Variants in NME8 observed in about 807,000 individuals in gnomAD.
The protein encoded by NME8 is NME/NM23 family member 8.
In NME8, 72 loss-of-function variants were observed where a neutral mutation model predicts 82.3. That is an observed-to-expected ratio of 0.87 (90% CI 0.72 to 1.06). The LOEUF (loss-of-function observed/expected upper bound fraction) is 1.06. Ranked by LOEUF, NME8 falls within the 50% of genes least tolerant of loss-of-function variation. NME8 has a pLI of 0.00. For missense variants in NME8, 712 were observed against 685.4 expected (o/e 1.04, Z -0.43); for synonymous variants, 267 against 228.5 (o/e 1.17, Z -1.52).
intron 15 of NME8, among the ~76,000 whole-genome samples, chr7:37,893,172 C>T (rs1414021614): frequency 6.6e-6 from 1 of 152,076 alleles, no homozygotes; most frequent in Non-Finnish European, 1.5e-5. Context: ...ACCTGAGCCA[C>T]TTGCTGTCTT....
chr7:37,881,837 A>T (rs539285762), intron 12 of NME8, among the ~76,000 whole-genome samples: 87 of 152,284 alleles, frequency 5.7e-4, no homozygotes, highest in African/African-American at 1.8e-3. Context: ...TATCTAATAG[A>T]TATAGGGCTA....
intron 15 of NME8, among the ~76,000 whole-genome samples, chr7:37,889,756 A>T (rs1204772636): frequency 6.6e-6 from 1 of 152,040 alleles, no homozygotes; most frequent in East Asian, 1.9e-4. Flanking sequence ...AAGATTCTAC[A>T]TGTATGAGGA....
At chr7:37,891,638 C>G (rs550974760) in intron 15 of NME8, among the ~76,000 whole-genome samples, 6 of 151,836 alleles carry the variant, frequency 4.0e-5, no homozygotes, top group African/African-American at 1.4e-4. Flanking sequence ...TCAGAGTTGT[C>G]CAAGGGAAAG....
In NME8 at chr7:37,857,314, A is replaced by C; in HGVS notation, c.239A>C (p.Asp80Ala). The change falls in exon 6 of 18, where the codon GAT (aspartate) becomes GCT (alanine). Residue 80 changes from aspartate (D) to alanine (A), a missense_variant. By Grantham distance (126) the Asp-to-Ala change is moderately radical (BLOSUM62 -2). Coordinates refer to ENST00000199447, the MANE Select transcript of NME8 (RefSeq NM_016616.5). ...DNIVTLQPFR[D>A]KCEPVFLFSV... ...ATTGTGACTTTGCAGCCATTTAGAG[A>C]TAAATGTGAACCTGTTTTTCTCTTT... 2 of 1,611,572 alleles carry C rather than the reference A, an allele frequency of 1.2e-6. No homozygotes were observed. Among genetic ancestry groups the C allele is most frequent in the Non-Finnish European group, 1.7e-6 (2 of 1,178,284 alleles).
In NME8 at chr7:37,855,701, G is replaced by T. The variant is rs181537078; in HGVS notation, c.199-1573G>T. Among the ~76,000 whole-genome samples, 13 of 152,144 alleles carry T rather than the reference G, an allele frequency of 8.5e-5. No individual in the cohort carries two copies. In the East Asian group the frequency reaches 2.3e-3, roughly 27 times the overall value. ...TTCAAAAATTATCAAACCATCCTTT[G>T]CAGGCATTAAATTCTCCAGCTTTAG... On this transcript the variant is annotated intron_variant, in intron 5 of 17. Transcript: ENST00000199447.
intron 15 of NME8, among the ~76,000 whole-genome samples, chr7:37,893,605 T>C (rs1211459320): frequency 6.6e-6 from 1 of 152,168 alleles, no homozygotes; most frequent in African/African-American, 2.4e-5. Context: ...TTTACCATGC[T>C]TAACACAAAG....
chr7:37,877,643 A>G (rs13230355), intron 12 of NME8, among the ~76,000 whole-genome samples: 1 of 152,124 alleles, frequency 6.6e-6, no homozygotes, highest in East Asian at 1.9e-4. Context: ...TGGCATTTCT[A>G]TGTAGACCAG....
chr7:37,876,158 A>C (rs1338782874), intron 11 of NME8, among the ~76,000 whole-genome samples: 1 of 151,938 alleles, frequency 6.6e-6, no homozygotes. Flanking sequence ...CAGTGAGCCA[A>C]GATTGCACCA....
rs1784707235 is a variant in NME8, at chr7:37,867,683, TTATCATTTTATTTTGTAG to T, written c.622-17_622del. 10 of 1,597,550 alleles carry T rather than the reference TTATCATTTTATTTTGTAG, an allele frequency of 6.3e-6. No individual in the cohort carries two copies. The highest frequency in any genetic ancestry group is 8.6e-6 in the Non-Finnish European group (10 of 1,165,364). Reference sequence around the variant, plus strand: ...ATTTCAGGAGCCTGAAGGAAACAGTTTATCATTTTATTTTGTAGTGTGACTTCGAAGAGTTTGTCTCTT... The same window carrying T: ...ATTTCAGGAGCCTGAAGGAAACAGTTTGTGACTTCGAAGAGTTTGTCTCTT... On this transcript the variant is annotated splice_acceptor_variant and splice_polypyrimidine_tract_variant and intron_variant, in intron 10 of 17. Transcript: ENST00000199447. LOFTEE classifies it high-confidence loss of function.
chr7:37,858,407 T>C (rs1007891243), intron 6 of NME8, among the ~76,000 whole-genome samples: 1 of 150,732 alleles, frequency 6.6e-6, no homozygotes, highest in African/African-American at 2.5e-5. Context: ...AGATCTCCTC[T>C]AAGTTGGATG....
intron 6 of NME8, among the ~76,000 whole-genome samples, chr7:37,859,871 C>A (rs534321298): frequency 6.6e-6 from 1 of 152,266 alleles, no homozygotes; most frequent in Admixed American, 6.5e-5. Context: ...TCTCAGACTG[C>A]CCATTGCTCC....
chr7:37,896,142 C>T (rs987454894), intron 16 of NME8, among the ~76,000 whole-genome samples: 9 of 152,118 alleles, frequency 5.9e-5, no homozygotes, highest in African/African-American at 2.2e-4. Context: ...TTTAGGAAGG[C>T]AGAATTTATA....
At chr7:37,868,708 C>T (rs1317717608) in intron 11 of NME8, among the ~76,000 whole-genome samples, 2 of 152,164 alleles carry the variant, frequency 1.3e-5, no homozygotes, top group African/African-American at 4.8e-5. Context: ...TCCCTGCCAA[C>T]TCAGTCTCCT....
rs752110300 is a variant in NME8 at position 37,884,289 on chromosome 7, CTG to C, written c.995-12_995-11del. The stretch of plus-strand genomic sequence containing the variant: ...TACCAGTTTAAAACTTATTATGTAA[CTG>C]TTTTTATTTAGATGATGTTTTGCGT... On this transcript the variant is annotated splice_polypyrimidine_tract_variant and intron_variant, in intron 12 of 17. Coordinates refer to ENST00000199447, the MANE Select transcript of NME8 (RefSeq NM_016616.5). The C allele has an allele frequency of 1.6e-5, 25 of 1,522,388 alleles. No individual in the cohort carries two copies. Among genetic ancestry groups the C allele is most frequent in the Non-Finnish European group, 2.1e-5 (23 of 1,097,322 alleles). The allele number at this position is 1,522,388 out of a possible 1,614,324, so 94.3% of individuals were successfully genotyped here.
chr7:37,853,481 A>T (rs1366704473), intron 5 of NME8, among the ~76,000 whole-genome samples: 3 of 152,172 alleles, frequency 2.0e-5, no homozygotes, highest in Admixed American at 6.6e-5. Flanking sequence ...GGTTGATAGA[A>T]GTTAAAATAC....
At chr7:37,849,247 C>T (rs1226558907) in intron 2 of NME8, 191 bp downstream of exon 2, 1 of 152,176 alleles carries the variant, frequency 6.6e-6, no homozygotes, top group African/African-American at 2.4e-5. Flanking sequence ...TGGCCTTGTT[C>T]TCAAGATTAA....
Position 37,894,617 on chromosome 7 carries a change from T to C in NME8, c.1544+7T>C, listed in dbSNP as rs2131975509. ...TATTGGAAATGTTATCTGTGTAAGT[T>C]TCTGATACATAATTGTTTGCATTAT... On this transcript the variant is annotated splice_region_variant and intron_variant, in intron 16 of 17. Coordinates refer to ENST00000199447, the MANE Select transcript of NME8 (RefSeq NM_016616.5). 1 of 1,579,640 alleles carries C rather than the reference T, an allele frequency of 6.3e-7. No homozygotes were observed. The highest frequency in any genetic ancestry group is 2.3e-5 in the East Asian group (1 of 44,418).
chr7:37,865,634 G>T lies in NME8; in HGVS notation c.621+17G>T, dbSNP rs773864135. On this transcript the variant is annotated intron_variant, in intron 10 of 17. Transcript: ENST00000199447. ...GCAGACCAGGTATGAAAGTTAAAAA[G>T]AAAAAATCCTCTATGTGTTTAAATA... is the stretch of plus-strand genomic sequence containing the variant. 8 of 1,551,702 alleles carry T rather than the reference G, an allele frequency of 5.2e-6. No homozygotes were observed. Among genetic ancestry groups the T allele is most frequent in the South Asian group, 1.1e-5 (1 of 89,788 alleles).
In NME8 at chr7:37,885,133, C is replaced by G. The variant is rs1562839603; in HGVS notation, c.1140-12C>G. Reference sequence around the variant, plus strand: ...CTTCTTATTACCTCTTCTTTGTTTTCTTTTCTAATAGTGGTCCATCTCTAG... The same window carrying G: ...CTTCTTATTACCTCTTCTTTGTTTTGTTTTCTAATAGTGGTCCATCTCTAG... On this transcript the variant is annotated splice_polypyrimidine_tract_variant and intron_variant, in intron 13 of 17. Coordinates refer to ENST00000199447, the MANE Select transcript of NME8 (RefSeq NM_016616.5). The G allele has an allele frequency of 1.1e-5, 17 of 1,571,102 alleles. No homozygotes were observed. Among genetic ancestry groups the G allele is most frequent in the Non-Finnish European group, 1.5e-5 (17 of 1,141,668 alleles).
Sources: allele counts gnomAD v4.1 joint callset (sites outside exome capture counted in the v4.1 genomes callset), GRCh38; gene constraint gnomAD v4.1.1; transcripts MANE v1.5; gene names NCBI Gene and HGNC (gene_info 2026-07-23, HGNC 2026-07-21).